The following HNF4A variants were observed in gnomAD, a reference collection of about 807,000 sequenced individuals.
The protein encoded by HNF4A is hepatocyte nuclear factor 4-alpha.
In HNF4A, 15 loss-of-function variants were observed where a neutral mutation model predicts 52.4. The ratio of observed to expected loss-of-function variants is 0.29; its 90% CI spans 0.19 to 0.44. The LOEUF (loss-of-function observed/expected upper bound fraction) is 0.44, where lower values mean the gene tolerates loss of function less well. HNF4A is among the 20% of genes least tolerant of loss of function. The pLI is 1.00. For synonymous variants in HNF4A, 280 were observed against 264.4 expected (o/e 1.06, Z -0.57); for missense variants, 479 against 647.2 (o/e 0.74, Z 2.82).
chr20:44,401,233 C>G, upstream of HNF4A: 2 of 1,539,592 alleles, frequency 1.3e-6, no homozygotes, highest in Non-Finnish European at 1.7e-6. Context: ...GGCCAAGACT[C>G]CCAGCAGATC....
At chr20:44,421,134 A>G (rs180991254) in intron 7 of HNF4A, among the ~76,000 whole-genome samples, 2 of 146,078 alleles carry the variant, frequency 1.4e-5, no homozygotes, top group Non-Finnish European at 2.9e-5. Context: ...GTTGCAAGTT[A>G]TGTGCTTTTA....
chr20:44,365,899 C>T lies in HNF4A; in HGVS notation c.49+10046C>T, dbSNP rs199840050. Among the ~76,000 whole-genome samples, 11 of 151,910 alleles carry T rather than the reference C, an allele frequency of 7.2e-5. No individual in the cohort carries two copies. The East Asian group carries it at 1.2e-3, about 16-fold the overall frequency. ...GTACACGCCTGTAGTCCCACCTACT[C>T]GGGAGGCTGAGGCAAGAGGATTGCT... On this transcript the variant is annotated intron_variant, in intron 1 of 9. Transcript: ENST00000316673.
intron 7 of HNF4A, among the ~76,000 whole-genome samples, chr20:44,423,256 C>T (rs1600741390): frequency 6.6e-6 from 1 of 152,006 alleles, no homozygotes; most frequent in Non-Finnish European, 1.5e-5. Context: ...GCAGAGGTTG[C>T]GGTGAGCCGA....
At chr20:44,356,209 A>G (rs2062856055) in intron 1 of HNF4A, among the ~76,000 whole-genome samples, 1 of 152,168 alleles carries the variant, frequency 6.6e-6, no homozygotes, top group African/African-American at 2.4e-5. Flanking sequence ...ATTGAGGTCC[A>G]CCAGGAGAGG....
chr20:44,369,249 CAAAAAAAAAAAA>C (rs751374772), intron 1 of HNF4A, among the ~76,000 whole-genome samples: 25 of 24,824 alleles, frequency 1.0e-3, no homozygotes, highest in South Asian at 2.9e-3. Context: ...AACTCCATCT[CAAAAAAAAAAAA>C]AAAAAAAAAA....
chr20:44,423,565 C>T (rs1268370663), intron 7 of HNF4A, among the ~76,000 whole-genome samples: 1 of 152,214 alleles, frequency 6.6e-6, no homozygotes, highest in Non-Finnish European at 1.5e-5. Flanking sequence ...GGAGCCTATT[C>T]TAACACAGTA....
chr20:44,410,130 G>C (rs1414231751), intron 3 of HNF4A, among the ~76,000 whole-genome samples: 1 of 152,236 alleles, frequency 6.6e-6, no homozygotes, highest in Non-Finnish European at 1.5e-5. Flanking sequence ...ACTGCGCCCG[G>C]CCCCTGGCCC....
At chr20:44,402,461 T>G (rs2063423391) in intron 1 of HNF4A, 6 of 771,326 alleles carry the variant, frequency 7.8e-6, no homozygotes, top group Non-Finnish European at 9.8e-6. Flanking sequence ...GTCTCTGGTG[T>G]GCACGACTGC....
At chr20:44,386,867 C>T (rs2063230865) in intron 1 of HNF4A, among the ~76,000 whole-genome samples, 1 of 152,180 alleles carries the variant, frequency 6.6e-6, no homozygotes, top group Non-Finnish European at 1.5e-5. Flanking sequence ...ATTTTATTTT[C>T]CAAAATTTCT....
intron 1 of HNF4A, among the ~76,000 whole-genome samples, chr20:44,387,288 TAAAAAAAAAAAA>T (rs537843651): frequency 4.0e-4 from 33 of 82,014 alleles, no homozygotes; most frequent in African/African-American, 1.1e-3. Flanking sequence ...AACTTCATCT[TAAAAAAAAAAAA>T]AAAAAAAAAA....
chr20:44,411,491 T>G (rs1600718683), intron 3 of HNF4A, among the ~76,000 whole-genome samples: 2 of 125,966 alleles, frequency 1.6e-5, no homozygotes, highest in Admixed American at 7.7e-5. Context: ...CCCTGATGGG[T>G]GGGTGCGGGT....
chr20:44,360,266 T>C (rs543491485), intron 1 of HNF4A, among the ~76,000 whole-genome samples: 1 of 152,162 alleles, frequency 6.6e-6, no homozygotes, highest in African/African-American at 2.4e-5. Flanking sequence ...GATGAATGGA[T>C]GTGATAGATG....
At chr20:44,413,625 A>G in intron 3 of HNF4A, 69 bp from the exon 4 acceptor site, 2 of 1,047,708 alleles carry the variant, frequency 1.9e-6, no homozygotes, top group Non-Finnish European at 2.9e-6. Flanking sequence ...ACTCCTCATC[A>G]GTCACAGACA....
At chr20:44,410,359 G>A (rs1207874488) in intron 3 of HNF4A, among the ~76,000 whole-genome samples, 1 of 152,234 alleles carries the variant, frequency 6.6e-6, no homozygotes, top group Non-Finnish European at 1.5e-5. Context: ...GGGTTACCTG[G>A]AAGATCATGA....
Position 44,371,814 on chromosome 20 carries a change from C to T in HNF4A, c.49+15961C>T, listed in dbSNP as rs11905624. On this transcript the variant is annotated intron_variant, in intron 1 of 9. Transcript: ENST00000316673. ...CTCCAGCCTGGGCGACAGAGCAAGA[C>T]CCTGTCAAAAAAATAAATTAAAGAA... 7.7e-3 allele frequency among the ~76,000 whole-genome samples: 1,170 copies of T among 152,114 alleles called. 14 individuals carry two copies. The highest frequency in any genetic ancestry group is 0.027 in the African/African-American group (1,114 of 41,506).
chr20:44,394,338 T>C (rs2146315501), intron 1 of HNF4A, among the ~76,000 whole-genome samples: 1 of 152,192 alleles, frequency 6.6e-6, no homozygotes, highest in Non-Finnish European at 1.5e-5. Flanking sequence ...CTGATCTCCA[T>C]CTCCCCATCT....
rs941679394 is a variant in HNF4A at position 44,405,906 on chromosome 20, AG to A, written c.116-151del. 1.4e-5 allele frequency: 11 copies of A among 762,588 alleles called. No homozygotes were observed. In the African/African-American group the frequency reaches 1.7e-4, roughly 12 times the overall value. The allele number at this position is 762,588 out of a possible 1,614,324, so 47.2% of individuals were successfully genotyped here. A position where few individuals can be genotyped will look rare whatever the true frequency, so the allele number is the denominator to read the frequency against. On this transcript the variant is annotated intron_variant, in intron 1 of 9. Coordinates refer to ENST00000316099, the MANE Select transcript of HNF4A (RefSeq NM_000457.6). ...CAGATGTGAAACTGAAGCTCCAAAA[AG>A]TCAGGAGGTCACTGAGTGGGGAGGT...
chr20:44,375,901 C>T (rs1246437583), intron 1 of HNF4A, among the ~76,000 whole-genome samples: 1 of 152,166 alleles, frequency 6.6e-6, no homozygotes, highest in Non-Finnish European at 1.5e-5. Context: ...TCTCCCTGCT[C>T]TCAGACAGAG....
At position 44,355,761 on chromosome 20, in the gene HNF4A, C is replaced by G. The variant is rs546252382; in HGVS notation, c.-44C>G. The G allele has an allele frequency of 5.0e-6, 8 of 1,601,216 alleles. No individual in the cohort carries two copies. In the South Asian group the frequency reaches 5.5e-5, roughly 11 times the overall value. Reference sequence around the variant, plus strand: ...CTGTGCTGCTGCTGTGAGCGGGCCCCTGCTCCTCCATGCCCCCAGCTCTCC... The same window carrying G: ...CTGTGCTGCTGCTGTGAGCGGGCCCGTGCTCCTCCATGCCCCCAGCTCTCC... On this transcript the variant is annotated 5_prime_UTR_variant, in exon 1 of 10. Transcript: ENST00000316673.
Sources: gnomAD v4.1 joint callset for allele counts (sites outside exome capture counted in the v4.1 genomes callset) on GRCh38, gnomAD v4.1.1 for gene constraint, MANE v1.5 for transcripts, NCBI Gene and HGNC (gene_info 2026-07-23, HGNC 2026-07-21) for gene names.